Variants in KANK3 observed in about 807,000 individuals in gnomAD.
The protein encoded by KANK3 is KN motif and ankyrin repeat domain-containing protein 3.
In KANK3, 61 loss-of-function variants were observed where a neutral mutation model predicts 65.4. The ratio of observed to expected loss-of-function variants is 0.93; its 90% confidence interval spans 0.76 to 1.15. The LOEUF is 1.15. Among genes scored for constraint, KANK3 ranks in the 50% most tolerant of loss-of-function variants. The pLI is 0.00. For missense variants in KANK3, 1,187 were observed against 1,178.8 expected (o/e 1.01, Z -0.10); for synonymous variants, 586 against 543.3 (o/e 1.08, Z -1.09).
intron 1 of KANK3, among the ~76,000 whole-genome samples, chr19:8,340,696 C>T (rs979332863): frequency 6.6e-6 from 1 of 152,200 alleles, no homozygotes; most frequent in Admixed American, 6.5e-5. Flanking sequence ...TACCCTACTC[C>T]ACCGCTGGGG....
intron 1 of KANK3, among the ~76,000 whole-genome samples, chr19:8,339,362 T>TG (rs1568205075): frequency 1.8e-4 from 4 of 21,936 alleles, no homozygotes; most frequent in East Asian, 6.5e-4. Flanking sequence ...TCTCTTTTTG[T>TG]TTTTTTTTTT....
At chr19:8,340,291 T>TATATATATATATATACAC (rs1472181365) in intron 1 of KANK3, among the ~76,000 whole-genome samples, 1,346 of 92,456 alleles carry the variant, frequency 0.015, 10 homozygotes, top group South Asian at 0.024. Flanking sequence ...TATATATATA[T>TATATATATATATATACAC]ACACACACAC....
chr19:8,333,004 T>C lies in KANK3; in HGVS notation c.1936+10A>G. 1 of 331,492 alleles carries C rather than the reference T, an allele frequency of 3.0e-6. No homozygotes were observed. The highest frequency in any genetic ancestry group is 6.1e-6 in the Non-Finnish European group (1 of 164,540). 20.5% of individuals were successfully genotyped at this position (331,492 alleles called of 1,614,324 possible). On this transcript the variant is annotated intron_variant, in intron 7 of 10. Transcript: ENST00000330915. The surrounding 1 kb of genome is among the most constrained non-coding windows in gnomAD (Gnocchi z 5.0). ...TCCTGGTGTCCCACCCACCCTCCCT[T>C]GGCTCTGACCCGTATCCAGGAGCAG...
At position 8,333,239 on chromosome 19, in the gene KANK3, G is replaced by T; in HGVS notation, c.1720-9C>A. The T allele has an allele frequency of 6.2e-7, 1 of 1,602,908 alleles. No homozygotes were observed. The highest frequency in any genetic ancestry group is 8.5e-7 in the Non-Finnish European group (1 of 1,175,076). On this transcript the variant is annotated splice_polypyrimidine_tract_variant and intron_variant, in intron 6 of 10. Transcript: ENST00000330915. This position sits in a 1 kb window ranked among gnomAD's most constrained non-coding sequence, Gnocchi z 5.0. ...ACGAGGCGCACTGCGCCCTGCAAGG[G>T]ACAGGGGCCAAGATAACATCGGCGA... is the stretch of plus-strand genomic sequence containing the variant.
Position 8,337,829 on chromosome 19 carries a change from G to A in KANK3, c.-1C>T. On this transcript the variant is annotated 5_prime_UTR_variant, in exon 2 of 11. Transcript: ENST00000330915. ...TCTGATTCAGGGCAAACTTGGCCAT[G>A]TTTCCTGCAGCAGCTGTCAGAGGCA... 1 of 1,613,534 alleles carries A rather than the reference G, an allele frequency of 6.2e-7. No homozygotes were observed. The highest frequency in any genetic ancestry group is 8.5e-7 in the Non-Finnish European group (1 of 1,179,986).
chr19:8,326,673 T>A (rs1970435073), intron 7 of KANK3, among the ~76,000 whole-genome samples: 1 of 149,268 alleles, frequency 6.7e-6, no homozygotes, highest in Non-Finnish European at 1.5e-5. Flanking sequence ...GGTGGGTGCC[T>A]GTAGTCCCAG....
At chr19:8,332,408 C>T (rs554664294) in intron 7 of KANK3, among the ~76,000 whole-genome samples, 1 of 151,824 alleles carries the variant, frequency 6.6e-6, no homozygotes, top group South Asian at 2.1e-4. Context: ...GAACTCCTGA[C>T]CTCAAGTGAT....
chr19:8,334,654 C>A lies in KANK3; in HGVS notation c.1173G>T (p.Ala391=). ...CCTCGCGTAGCTGGGCCCGGGCCCC[C>A]GCCGCTGCCTCCTCCGCAGCCTCGC... is the stretch of plus-strand genomic sequence containing the variant. The part of the protein sequence containing the change: ...EAREAAEEAA[A]GARAQLREAT... Residue 391 remains alanine (A), a synonymous_variant, in exon 3 of 11, where the codon GCG becomes GCT. Transcript: ENST00000330915. 1 of 1,541,370 alleles carries A rather than the reference C, an allele frequency of 6.5e-7. No individual in the cohort carries two copies. Among genetic ancestry groups the A allele is most frequent in the Non-Finnish European group, 8.7e-7 (1 of 1,150,608 alleles).
intron 2 of KANK3, 106 bp downstream of exon 2, chr19:8,337,689 G>T: frequency 7.5e-7 from 1 of 1,328,166 alleles, no homozygotes; most frequent in Non-Finnish European, 1.1e-6. Context: ...CATGACATTG[G>T]AGAGGACTGC....
At position 8,335,325 on chromosome 19, in the gene KANK3, T is replaced by C. The variant is rs1970616157; in HGVS notation, c.502A>G (p.Ser168Gly). The C allele has an allele frequency of 2.6e-5, 31 of 1,195,004 alleles. No individual in the cohort carries two copies. The highest frequency in any genetic ancestry group is 3.1e-5 in the Non-Finnish European group (30 of 964,494). The allele number at this position is 1,195,004 out of a possible 1,614,324, so 74.0% of individuals were successfully genotyped here. Residue 168 changes from serine (S) to glycine (G), a missense_variant, in exon 3 of 11, where the codon AGC becomes GGC. By Grantham distance (56) the Ser-to-Gly change is moderately conservative (BLOSUM62 0). Coordinates refer to ENST00000330915, the MANE Select transcript of KANK3 (RefSeq NM_198471.3). ...PRSPRGSGRS[S>G]PAPNLAPASP... Reference sequence around the variant, plus strand: ...GCAGGGGCAAGGTTAGGGGCGGGGCTGCTGCGGCCGGACCCGCGTGGGCTG... The same window carrying C: ...GCAGGGGCAAGGTTAGGGGCGGGGCCGCTGCGGCCGGACCCGCGTGGGCTG...
In KANK3 at chr19:8,334,911, C is replaced by G. The variant is rs117966760; in HGVS notation, c.916G>C (p.Glu306Gln). ...GTPQTREVAA[E>Q]AVPETREAGA... ...GCTTCTCGGGTCTCGGGCACGGCCT[C>G]GGCGGCCACCTCCCGGGTCTGGGGC... Residue 306 changes from glutamate (E) to glutamine (Q), a missense_variant, in exon 3 of 11, where the codon GAG becomes CAG. By Grantham distance (29) the Glu-to-Gln change is conservative. Coordinates refer to ENST00000330915, the MANE Select transcript of KANK3 (RefSeq NM_198471.3). The G allele has an allele frequency of 2.1e-6, 3 of 1,460,574 alleles. No individual in the cohort carries two copies. In the East Asian group the frequency reaches 8.7e-5, roughly 42 times the overall value. The allele number at this position is 1,460,574 out of a possible 1,614,324, so 90.5% of individuals were successfully genotyped here.
intron 2 of KANK3, among the ~76,000 whole-genome samples, 160 bp downstream of exon 2, chr19:8,337,635 C>T (rs971139947): frequency 2.0e-5 from 3 of 152,116 alleles, no homozygotes; most frequent in Non-Finnish European, 4.4e-5. Context: ...CATGAGCCAC[C>T]GCACCCGGCC....
intron 7 of KANK3, 128 bp from the exon 8 acceptor site, chr19:8,325,224 G>A: frequency 2.1e-6 from 2 of 939,706 alleles, no homozygotes; most frequent in Non-Finnish European, 3.0e-6. Flanking sequence ...CCCCACAATA[G>A]CTACCTGGTT....
Position 8,335,134 on chromosome 19 carries a change from G to C in KANK3, c.693C>G (p.Pro231=). The C allele has an allele frequency of 8.1e-7, 1 of 1,234,390 alleles. No homozygotes were observed. The highest frequency in any genetic ancestry group is 1.0e-6 in the Non-Finnish European group (1 of 990,688). 76.5% of individuals were successfully genotyped at this position (1,234,390 alleles called of 1,614,324 possible). Residue 231 remains proline (P), a synonymous_variant, in exon 3 of 11, where the codon CCC becomes CCG. Transcript: ENST00000330915. ...GCGTCTCAGCCTCCCCGTCCGGCTC[G>C]GGCTGCGCGCGCCCGGCCAGCAGCC... is the stretch of plus-strand genomic sequence containing the variant. The part of the protein sequence containing the change: ...KARLLAGRAQ[P]EPDGEAETRP...
chr19:8,334,815 C>A lies in KANK3; in HGVS notation c.1012G>T (p.Ala338Ser). 3 of 1,493,276 alleles carry A rather than the reference C, an allele frequency of 2.0e-6. No individual in the cohort carries two copies. The highest frequency in any genetic ancestry group is 1.3e-5 in the South Asian group (1 of 79,746). The allele number at this position is 1,493,276 out of a possible 1,614,324, so 92.5% of individuals were successfully genotyped here. A position where few individuals can be genotyped will look rare whatever the true frequency, so the allele number is the denominator to read the frequency against. ...EAAPETVEAD[A>S]WVTEALLGLP... Reference sequence around the variant, plus strand: ...CCCAGCAGCGCCTCGGTCACCCACGCGTCCGCCTCCACGGTCTCGGGGGCA... The same window carrying A: ...CCCAGCAGCGCCTCGGTCACCCACGAGTCCGCCTCCACGGTCTCGGGGGCA... Residue 338 changes from alanine to serine, a missense_variant, in exon 3 of 11, where the codon GCG becomes TCG. Ala to Ser is a moderately conservative substitution (Grantham distance 99). Coordinates refer to ENST00000330915, the MANE Select transcript of KANK3 (RefSeq NM_198471.3).
At position 8,334,423 on chromosome 19, in the gene KANK3, G is replaced by A. The variant is rs760101852; in HGVS notation, c.1328-4C>T. On this transcript the variant is annotated splice_polypyrimidine_tract_variant and splice_region_variant and intron_variant, in intron 3 of 10. Coordinates refer to ENST00000330915, the MANE Select transcript of KANK3 (RefSeq NM_198471.3). Reference sequence around the variant, plus strand: ...TTCATGATGGATTTGAGGATGCCTGGCGGGGATGAGATGAGGGCACTGAGT... The same window carrying A: ...TTCATGATGGATTTGAGGATGCCTGACGGGGATGAGATGAGGGCACTGAGT... 1 of 1,613,654 alleles carries A rather than the reference G, an allele frequency of 6.2e-7. No individual in the cohort carries two copies. The highest frequency in any genetic ancestry group is 8.5e-7 in the Non-Finnish European group (1 of 1,180,018).
At position 8,325,093 on chromosome 19, in the gene KANK3, G is replaced by A; in HGVS notation, c.1940C>T (p.Ala647Val). Residue 647 changes from alanine to valine, a missense_variant, in exon 8 of 11, where the codon GCC becomes GTC. Ala to Val is a moderately conservative substitution (Grantham distance 64, BLOSUM62 0). Transcript: ENST00000330915. ...AIASLLLDTG[A>V]CEVNRQNRAG... ...TCGGTTCTGGCGGTTGACCTCGCAG[G>A]CCCCTGGGAGAGAAAAGGGGGCCGT... is the stretch of plus-strand genomic sequence containing the variant. The A allele has an allele frequency of 6.2e-7, 1 of 1,609,394 alleles. No individual in the cohort carries two copies. Among genetic ancestry groups the A allele is most frequent in the Non-Finnish European group, 8.5e-7 (1 of 1,178,492 alleles).
In KANK3 at chr19:8,333,051, G is replaced by A. The variant is rs1178193930; in HGVS notation, c.1899C>T (p.His633=). 2.8e-6 allele frequency: 4 copies of A among 1,444,574 alleles called. No individual in the cohort carries two copies. Among genetic ancestry groups the A allele is most frequent in the South Asian group, 2.3e-5 (2 of 88,588 alleles). The allele number at this position is 1,444,574 out of a possible 1,614,324, so 89.5% of individuals were successfully genotyped here. Residue 633 remains histidine (H), a synonymous_variant, in exon 7 of 11, where the codon CAC becomes CAT. Coordinates refer to ENST00000330915, the MANE Select transcript of KANK3 (RefSeq NM_198471.3). The surrounding 1 kb of genome is among the most constrained non-coding windows in gnomAD (Gnocchi z 5.0). ...GNTALHYSVS[H]GNLAIASLLL... is the part of the protein sequence containing the mutation. The stretch of plus-strand genomic sequence containing the variant: ...GCAGGCTTGCGATGGCCAGGTTCCC[G>A]TGGGACACACTGTAGTGCAGGGCCG...
intron 2 of KANK3, among the ~76,000 whole-genome samples, chr19:8,337,042 C>T (rs951295365): frequency 6.6e-6 from 1 of 150,602 alleles, no homozygotes; most frequent in East Asian, 2.0e-4. Context: ...TTGTTTTTTT[C>T]TTTTTTTTGA....
Sources: allele counts gnomAD v4.1 joint callset (sites outside exome capture counted in the v4.1 genomes callset), GRCh38; gene constraint gnomAD v4.1.1; non-coding constraint Gnocchi (gnomAD v3.1); transcripts MANE v1.5; gene names NCBI Gene and HGNC (gene_info 2026-07-23, HGNC 2026-07-21).